Variants in CDKL5 observed in about 807,000 individuals in gnomAD.
CDKL5 encodes cyclin dependent kinase like 5, also known as cyclin-dependent kinase-like 5.
CDKL5 carries 8 observed loss-of-function variants against 61.7 expected under a neutral mutation model. The observed-to-expected ratio is 0.13, with a 90% CI of 0.08 to 0.23. The LOEUF (loss-of-function observed/expected upper bound fraction) is 0.23. Ranked by LOEUF, CDKL5 falls within the 10% of genes least tolerant of loss-of-function variation. The pLI is 1.00. For synonymous variants in CDKL5, 275 were observed against 272.3 expected, an observed-to-expected ratio of 1.01 and a Z score of -0.10; for missense variants, 440 against 734.5, an observed-to-expected ratio of 0.60 and a Z score of 4.63.
chrX:18,485,298 A>G, intron 1 of CDKL5, among the ~76,000 whole-genome samples: 1 of 110,543 alleles, frequency 9.0e-6, no homozygotes, highest in Non-Finnish European at 1.9e-5. Flanking sequence ...TTTAGTTTAA[A>G]TTTCATCATT....
In CDKL5 at chrX:18,483,579, G is replaced by A. The variant is rs185276356; in HGVS notation, c.-162-23356G>A. 2.5e-4 allele frequency among the ~76,000 whole-genome samples: 27 copies of A among 109,625 alleles called. 1 individual carries two copies. Among genetic ancestry groups the A allele is most frequent in the Admixed American group, 2.2e-3 (23 of 10,227 alleles). ...TTACAGGCACCCAACACCACACCTG[G>A]CTAATTTTTTTTTTGCAATTTTAGT... On this transcript the variant is annotated intron_variant, in intron 1 of 17. Transcript: ENST00000623535.
intron 13 of CDKL5, among the ~76,000 whole-genome samples, chrX:18,609,185 G>A (rs1214085482): frequency 9.0e-6 from 1 of 111,210 alleles, no homozygotes; most frequent in Non-Finnish European, 1.9e-5. Context: ...TTGTGTCCAG[G>A]AGTTCAAGAC....
intron 3 of CDKL5, among the ~76,000 whole-genome samples, chrX:18,541,758 A>C (rs1924032633): frequency 9.0e-6 from 1 of 111,270 alleles, no homozygotes; most frequent in Non-Finnish European, 1.9e-5. Flanking sequence ...GGACTTAAGC[A>C]GTCCTCCTGT....
At chrX:18,456,282 C>T (rs1374117772) in intron 1 of CDKL5, among the ~76,000 whole-genome samples, 1 of 111,124 alleles carries the variant, frequency 9.0e-6, no homozygotes, top group African/African-American at 3.3e-5. Flanking sequence ...AGGTGGTCCA[C>T]CCACCTTGGC....
At chrX:18,581,587 T>G (rs1925482905) in intron 6 of CDKL5, among the ~76,000 whole-genome samples, 1 of 111,761 alleles carries the variant, frequency 8.9e-6, no homozygotes, top group African/African-American at 3.2e-5. Flanking sequence ...AATAATAGGT[T>G]TTTGAAATGT....
intron 1 of CDKL5, among the ~76,000 whole-genome samples, chrX:18,502,383 A>G (rs1199543400): frequency 8.9e-6 from 1 of 112,069 alleles, no homozygotes; most frequent in Non-Finnish European, 1.9e-5. Flanking sequence ...TATCAGAATA[A>G]TCCTTAAAAA....
At position 18,630,871 on chromosome X, in the gene CDKL5, G is replaced by A. The variant is rs1342827205; in HGVS notation, c.*2114G>A. On this transcript the variant is annotated 3_prime_UTR_variant, in exon 18 of 18. Transcript: ENST00000623535. ...CAGGCAGCTGCTTGATGATACAAAT[G>A]AGGTGGACCATCAGCAGTTTTGCCT... 1.3e-6 allele frequency: 1 copy of A among 745,692 alleles called. No homozygotes were observed. Among genetic ancestry groups the A allele is most frequent in the African/African-American group, 2.4e-5 (1 of 41,233 alleles). 61.5% of individuals were successfully genotyped at this position (745,692 alleles called of 1,213,427 possible).
At chrX:18,443,920 T>A (rs1931811215) in intron 1 of CDKL5, 1 of 112,225 alleles carries the variant, frequency 8.9e-6, no homozygotes, top group Admixed American at 9.5e-5. Context: ...TATTTGCTAA[T>A]GACAAGTCAA....
intron 1 of CDKL5, among the ~76,000 whole-genome samples, chrX:18,489,203 C>G (rs778014190): frequency 2.1e-4 from 23 of 110,948 alleles, no homozygotes; most frequent in Non-Finnish European, 3.4e-4. Context: ...ACTGCAACCT[C>G]CGCCTCCCAG....
Position 18,639,057 on chromosome X carries a change from C to A in CDKL5, c.*10300C>A, listed in dbSNP as rs1262343674. On this transcript the variant is annotated 3_prime_UTR_variant, in exon 18 of 18. Coordinates refer to ENST00000623535, the MANE Select transcript of CDKL5 (RefSeq NM_001323289.2). ...AATTAACTCAAAATGGAACAAAGATCTAACTGTAAGAGGTAGAACTATAAA... is the reference window on the plus strand; with the variant it reads ...AATTAACTCAAAATGGAACAAAGATATAACTGTAAGAGGTAGAACTATAAA... Among the ~76,000 whole-genome samples the A allele has an allele frequency of 8.9e-6, 1 of 111,752 alleles. No homozygotes were observed. Among genetic ancestry groups the A allele is most frequent in the Non-Finnish European group, 1.9e-5 (1 of 53,186 alleles).
intron 3 of CDKL5, among the ~76,000 whole-genome samples, chrX:18,558,668 T>C (rs1341807777): frequency 9.0e-6 from 1 of 111,491 alleles, no homozygotes; most frequent in Non-Finnish European, 1.9e-5. Flanking sequence ...AGGCCAGATA[T>C]CCAAAGGGAG....
chrX:18,465,066 A>G (rs1932370905), intron 1 of CDKL5, among the ~76,000 whole-genome samples: 1 of 111,681 alleles, frequency 9.0e-6, no homozygotes, highest in Non-Finnish European at 1.9e-5. Flanking sequence ...TTTTATATTT[A>G]GGTCTGTAAT....
intron 15 of CDKL5, 84 bp downstream of exon 15, chrX:18,613,359 T>C (rs1189840169): frequency 2.2e-6 from 2 of 927,835 alleles, no homozygotes; most frequent in African/African-American, 3.9e-5. Flanking sequence ...AGCTTTTTAG[T>C]GTCCTTTCTC....
At chrX:18,640,650 C>T (rs1927540940), downstream of CDKL5, 1 of 112,120 alleles carries the variant, frequency 8.9e-6, no homozygotes, top group Admixed American at 9.4e-5. Flanking sequence ...TGTTGTCCAG[C>T]ACTGTATTAG....
At chrX:18,505,049 G>T (rs1283271585) in intron 1 of CDKL5, among the ~76,000 whole-genome samples, 1 of 111,605 alleles carries the variant, frequency 9.0e-6, no homozygotes, top group Non-Finnish European at 1.9e-5. Flanking sequence ...TATTCTTAGA[G>T]ATGGGATAAG....
chrX:18,547,562 T>C (rs1924242289), intron 3 of CDKL5, among the ~76,000 whole-genome samples: 1 of 112,235 alleles, frequency 8.9e-6, no homozygotes, highest in African/African-American at 3.2e-5. Context: ...TGGCTAATTC[T>C]CTTGAAACAT....
intron 12 of CDKL5, among the ~76,000 whole-genome samples, chrX:18,607,928 T>G: frequency 8.9e-6 from 1 of 111,791 alleles, no homozygotes; most frequent in Admixed American, 9.5e-5. Context: ...GGGAGAAAAA[T>G]AATCATATTT....
chrX:18,622,829 G>T (rs1226513636), intron 16 of CDKL5, among the ~76,000 whole-genome samples: 1 of 111,731 alleles, frequency 9.0e-6, no homozygotes, highest in East Asian at 2.8e-4. Context: ...TCTGTGGGGA[G>T]CCTCTAGGAG....
In CDKL5 at chrX:18,630,097, T is replaced by TG; in HGVS notation, c.*1342dup. The TG allele has an allele frequency of 1.3e-6, 1 of 754,348 alleles. No individual in the cohort carries two copies. The highest frequency in any genetic ancestry group is 1.6e-6 in the Non-Finnish European group (1 of 639,273). 62.2% of individuals were successfully genotyped at this position (754,348 alleles called of 1,213,427 possible). ...TCCAATACCATATTTAAAAGGCTCC[T>TG]GGAGCAATTCCAGATAGATAAAAAA... On this transcript the variant is annotated 3_prime_UTR_variant, in exon 18 of 18. Coordinates refer to ENST00000623535, the MANE Select transcript of CDKL5 (RefSeq NM_001323289.2).
Sources: allele counts gnomAD v4.1 joint callset (sites outside exome capture counted in the v4.1 genomes callset), GRCh38; gene constraint gnomAD v4.1.1; transcripts MANE v1.5; gene names NCBI Gene and HGNC (gene_info 2026-07-23, HGNC 2026-07-21).